ITGAM: variants seen among roughly 807,000 people sequenced by gnomAD.
ITGAM encodes integrin subunit alpha M.
In ITGAM, 79 loss-of-function variants were observed where a neutral mutation model predicts 137.5. That is an observed-to-expected ratio of 0.57 (90% CI 0.48 to 0.69). The LOEUF is 0.69. Ranked by LOEUF, ITGAM falls within the 30% of genes least tolerant of loss-of-function variation. The pLI is 0.00. For synonymous variants in ITGAM, 583 were observed against 592.3 expected (o/e 0.98, Z 0.23); for missense variants, 1,343 against 1,483.5 (o/e 0.91, Z 1.56).
chr16:31,311,706 C>T (rs559878251), intron 14 of ITGAM, among the ~76,000 whole-genome samples: 1 of 152,276 alleles, frequency 6.6e-6, no homozygotes, highest in East Asian at 1.9e-4. Context: ...ACTAGTTCAA[C>T]CATTGTGGAA....
chr16:31,331,086 C>G, intron 28 of ITGAM, 79 bp from the exon 29 acceptor site: 3 of 741,224 alleles, frequency 4.0e-6, no homozygotes, highest in Middle Eastern at 2.4e-4. Context: ...CCACTTGATT[C>G]AGGGGTGCAC....
At chr16:31,289,835 AC>A (rs1277079718) in intron 12 of ITGAM, among the ~76,000 whole-genome samples, 1 of 152,184 alleles carries the variant, frequency 6.6e-6, no homozygotes, top group Non-Finnish European at 1.5e-5. Context: ...TAATCCCAGC[AC>A]TTTGGGAGGC....
intron 24 of ITGAM, 114 bp downstream of exon 24, chr16:31,329,417 C>T (rs1031926538): frequency 2.6e-6 from 2 of 783,712 alleles, no homozygotes; most frequent in Admixed American, 4.2e-5. Context: ...GTGTGCCAGG[C>T]TTGGTTCCAC....
chr16:31,260,166 C>G (rs2079683266), intron 1 of ITGAM, 74 bp downstream of exon 1: 1 of 1,116,356 alleles, frequency 9.0e-7, no homozygotes. Context: ...ATAGAGGGCC[C>G]AGAATATGTA....
chr16:31,278,543 T>C (rs2079934443), intron 12 of ITGAM, among the ~76,000 whole-genome samples: 1 of 152,168 alleles, frequency 6.6e-6, no homozygotes, highest in South Asian at 2.1e-4. Context: ...CTCTAGGATC[T>C]GCTCCAGCCA....
chr16:31,291,828 TG>T (rs1369284928), intron 12 of ITGAM, among the ~76,000 whole-genome samples: 1 of 152,010 alleles, frequency 6.6e-6, no homozygotes, highest in Non-Finnish European at 1.5e-5. Context: ...GGATGGTTAA[TG>T]GGTACAAAAA....
At chr16:31,327,080 G>C in intron 22 of ITGAM, 145 bp downstream of exon 22, 1 of 731,306 alleles carries the variant, frequency 1.4e-6, no homozygotes, top group Admixed American at 1.9e-5. Flanking sequence ...CACCCACCAC[G>C]TGCTGGGCCT....
chr16:31,276,866 G>T, intron 10 of ITGAM, 54 bp from the exon 11 acceptor site: 1 of 1,594,090 alleles, frequency 6.3e-7, no homozygotes, highest in South Asian at 1.1e-5. Context: ...TCTGTGAGGG[G>T]CAGCGGTTGT....
Position 31,329,286 on chromosome 16 carries a change from A to G in ITGAM, c.2851A>G (p.Met951Val), listed in dbSNP as rs1376255654. Residue 951 changes from methionine (M) to valine (V), a missense_variant, in exon 24 of 30, where the codon ATG (methionine) becomes GTG (valine). Transcript: ENST00000544665. ...GGCCTCAGAGAATACCAGTCGGGTC[A>G]TGCAGCATCAATATCAGGTGGGCAG... ...FTASENTSRV[M>V]QHQYQVSNLG... 3.1e-6 allele frequency: 5 copies of G among 1,612,230 alleles called. No homozygotes were observed. In the Admixed American group the frequency reaches 8.3e-5, roughly 27 times the overall value.
At chr16:31,289,802 C>T (rs1350871685) in intron 12 of ITGAM, among the ~76,000 whole-genome samples, 9 of 152,116 alleles carry the variant, frequency 5.9e-5, no homozygotes. Context: ...ATACAACTGG[C>T]CGGGCCCAGT....
intron 6 of ITGAM, 136 bp downstream of exon 6, chr16:31,271,220 A>G: frequency 1.5e-6 from 1 of 674,084 alleles, no homozygotes; most frequent in Non-Finnish European, 2.2e-6. Flanking sequence ...TGCCTTCCTG[A>G]GTCTCTTTTC....
intron 5 of ITGAM, among the ~76,000 whole-genome samples, chr16:31,268,613 A>G (rs929093439): frequency 3.3e-5 from 5 of 152,154 alleles, no homozygotes; most frequent in Non-Finnish European, 7.4e-5. Context: ...CAGTCTTTCT[A>G]AAATACAAAA....
intron 11 of ITGAM, 35 bp from the exon 12 acceptor site, chr16:31,277,932 G>C (rs762094742): frequency 1.9e-6 from 3 of 1,558,540 alleles, no homozygotes; most frequent in South Asian, 1.2e-5. Flanking sequence ...GAGGGGGCAG[G>C]GAATGCACTT....
intron 14 of ITGAM, among the ~76,000 whole-genome samples, chr16:31,310,349 G>A (rs1232963390): frequency 2.0e-5 from 3 of 150,358 alleles, no homozygotes; most frequent in African/African-American, 7.4e-5. Context: ...ATGTAGATTT[G>A]GTCTTTTCAC....
At chr16:31,283,011 G>A (rs1293840988) in intron 12 of ITGAM, among the ~76,000 whole-genome samples, 2 of 152,208 alleles carry the variant, frequency 1.3e-5, no homozygotes, top group African/African-American at 2.4e-5. Context: ...GTTCTGGGTT[G>A]AAAATTCTTT....
At chr16:31,310,849 A>T (rs969593582) in intron 14 of ITGAM, among the ~76,000 whole-genome samples, 1 of 152,014 alleles carries the variant, frequency 6.6e-6, no homozygotes, top group African/African-American at 2.4e-5. Context: ...GTCTTTGATG[A>T]TGGTGACGTA....
chr16:31,327,159 T>A (rs2080516983), intron 22 of ITGAM, among the ~76,000 whole-genome samples: 1 of 152,152 alleles, frequency 6.6e-6, no homozygotes, highest in Non-Finnish European at 1.5e-5. Context: ...GAGATGATAA[T>A]TTAGTGGCAA....
chr16:31,293,485 C>A (rs1409985156), intron 12 of ITGAM, among the ~76,000 whole-genome samples: 1 of 152,046 alleles, frequency 6.6e-6, no homozygotes, highest in East Asian at 1.9e-4. Context: ...ATCCTAGCAC[C>A]ATTTGTTGAA....
At chr16:31,299,830 C>A (rs1009274970) in intron 14 of ITGAM, among the ~76,000 whole-genome samples, 1 of 136,388 alleles carries the variant, frequency 7.3e-6, no homozygotes, top group Non-Finnish European at 1.6e-5. Context: ...TCCTCCCCCT[C>A]CTCGTCGTCC....
Sources: allele counts gnomAD v4.1 joint callset (sites outside exome capture counted in the v4.1 genomes callset), GRCh38; gene constraint gnomAD v4.1.1; transcripts MANE v1.5; gene names NCBI Gene and HGNC (gene_info 2026-07-23, HGNC 2026-07-21).